STAU2: variants seen among roughly 807,000 people sequenced by gnomAD.
STAU2 encodes staufen double-stranded RNA binding protein 2.
In STAU2, 20 loss-of-function variants were observed where a neutral mutation model predicts 65.9. The ratio of observed to expected loss-of-function variants is 0.30; its 90% confidence interval spans 0.21 to 0.44. The LOEUF (loss-of-function observed/expected upper bound fraction) is 0.44, where lower values mean the gene tolerates loss of function less well. Among genes scored for constraint, STAU2 ranks in the 20% least tolerant of loss-of-function variants. The pLI is 1.00. For synonymous variants in STAU2, 232 were observed against 233.9 expected (o/e 0.99, Z 0.07); for missense variants, 558 against 683.9 (o/e 0.82, Z 2.05).
chr8:73,610,216 C>A (rs1812342769), intron 9 of STAU2, among the ~76,000 whole-genome samples: 1 of 150,008 alleles, frequency 6.7e-6, no homozygotes, highest in South Asian at 2.2e-4. Context: ...ATCAAAGCTG[C>A]AGTGAGCTGA....
intron 13 of STAU2, among the ~76,000 whole-genome samples, chr8:73,491,988 G>C (rs1012250511): frequency 9.9e-5 from 15 of 151,820 alleles, no homozygotes; most frequent in Admixed American, 3.9e-4. Context: ...GGCGTGTTTT[G>C]ATTATTTTCC....
At chr8:73,572,207 T>C (rs771224829) in intron 12 of STAU2, among the ~76,000 whole-genome samples, 3 of 152,148 alleles carry the variant, frequency 2.0e-5, no homozygotes, top group Non-Finnish European at 2.9e-5. Flanking sequence ...CAGGAAGAAC[T>C]TGAATCCCTG....
intron 13 of STAU2, among the ~76,000 whole-genome samples, chr8:73,496,304 T>A (rs893486735): frequency 1.3e-5 from 2 of 151,546 alleles, no homozygotes; most frequent in Non-Finnish European, 3.0e-5. Flanking sequence ...AAAATATGCA[T>A]ACACAGCCTC....
At chr8:73,510,413 CAAAT>C (rs1047570780) in intron 13 of STAU2, among the ~76,000 whole-genome samples, 10 of 152,180 alleles carry the variant, frequency 6.6e-5, no homozygotes, top group South Asian at 4.1e-4. Context: ...AATATTTGGA[CAAAT>C]AGTCAAATTT....
At chr8:73,555,945 A>AT (rs1167032920) in intron 12 of STAU2, among the ~76,000 whole-genome samples, 6 of 152,262 alleles carry the variant, frequency 3.9e-5, no homozygotes, top group Admixed American at 3.9e-4. Flanking sequence ...ATTTCAATAA[A>AT]TTTTTTTACA....
At position 73,648,124 on chromosome 8, in the gene STAU2, C is replaced by T. The variant is rs188635075; in HGVS notation, c.410+24983G>A. On this transcript the variant is annotated intron_variant, in intron 6 of 14. Transcript: ENST00000524300. ...ATAAAAAGATTTTTCAAAAGGAAGA[C>T]AGAATAACTAAATCAATAGTAATTA... is the stretch of plus-strand genomic sequence containing the variant. 3.9e-5 allele frequency among the ~76,000 whole-genome samples: 6 copies of T among 152,302 alleles called. No individual in the cohort carries two copies. The East Asian group carries it at 9.6e-4, about 24-fold the overall frequency.
At chr8:73,655,006 A>G (rs1816245433) in intron 6 of STAU2, among the ~76,000 whole-genome samples, 3 of 152,106 alleles carry the variant, frequency 2.0e-5, no homozygotes, top group African/African-American at 7.2e-5. Context: ...TTAAACCACC[A>G]CATTTGCCTA....
chr8:73,704,895 C>T (rs1820395901), intron 4 of STAU2, among the ~76,000 whole-genome samples: 1 of 152,110 alleles, frequency 6.6e-6, no homozygotes, highest in African/African-American at 2.4e-5. Flanking sequence ...TCTCAATCTC[C>T]TGATCTCATA....
At chr8:73,581,538 T>C (rs1200198617) in intron 12 of STAU2, among the ~76,000 whole-genome samples, 2 of 152,190 alleles carry the variant, frequency 1.3e-5, no homozygotes, top group African/African-American at 4.8e-5. Context: ...AAAACTGCAA[T>C]CAATTTCATG....
chr8:73,421,401 C>A lies in STAU2; in HGVS notation c.1684G>T (p.Asp562Tyr). Residue 562 changes from aspartate to tyrosine, a missense_variant, in exon 15 of 15, where the codon GAC becomes TAC. Around this residue, in one of 3 missense-constraint regions of STAU2, gnomAD observed 247 missense variants for 270.1 expected, o/e 0.91. Coordinates refer to ENST00000524300, the MANE Select transcript of STAU2 (RefSeq NM_001164380.2). Reference protein sequence around the residue: ...NQAPPGSIAQDCKKSNSAV With the variant: ...NQAPPGSIAQYCKKSNSAV ...ACGGCCGAGTTTGATTTCTTGCAGT[C>A]CTGAGCGATGGAGCCCGGGGGTGCC... 6.5e-7 allele frequency: 1 copy of A among 1,537,220 alleles called. No individual in the cohort carries two copies.
chr8:73,468,265 G>A (rs545349367), intron 13 of STAU2, among the ~76,000 whole-genome samples: 1 of 152,338 alleles, frequency 6.6e-6, no homozygotes, highest in South Asian at 2.1e-4. Flanking sequence ...GTAGAAAGCT[G>A]AAACTGGATC....
chr8:73,455,654 C>A (rs1819023284), intron 13 of STAU2, among the ~76,000 whole-genome samples: 1 of 152,182 alleles, frequency 6.6e-6, no homozygotes, highest in Non-Finnish European at 1.5e-5. Context: ...AACCTCTTAT[C>A]TTCCTCTGAA....
At chr8:73,551,690 T>G (rs2128943104) in intron 13 of STAU2, 1 of 1,018,834 alleles carries the variant, frequency 9.8e-7, no homozygotes, top group East Asian at 8.8e-5. Flanking sequence ...AATTTTTGTT[T>G]GTGGAAGACA....
intron 6 of STAU2, among the ~76,000 whole-genome samples, chr8:73,627,897 T>C (rs1813808033): frequency 6.6e-6 from 1 of 152,006 alleles, no homozygotes; most frequent in South Asian, 2.1e-4. Context: ...GAGCCATCAG[T>C]AATAAGAACA....
intron 4 of STAU2, among the ~76,000 whole-genome samples, chr8:73,702,624 G>T (rs1040516280): frequency 6.6e-6 from 1 of 151,922 alleles, no homozygotes; most frequent in Middle Eastern, 3.4e-3. Context: ...TGATAAAAGG[G>T]TTAATTCATC....
chr8:73,694,361 AC>A (rs1819558006), intron 4 of STAU2, among the ~76,000 whole-genome samples: 3 of 152,358 alleles, frequency 2.0e-5, no homozygotes, highest in African/African-American at 7.2e-5. Context: ...GAATACTCCA[AC>A]CAAGAAAAGC....
At position 73,662,826 on chromosome 8, in the gene STAU2, G is replaced by C. The variant is rs561949508; in HGVS notation, c.410+10281C>G. ...AGACAGGTTTTCTCCATGTTGGTCA[G>C]GCTGGTCTCGAACTCCTGACCTCAG... On this transcript the variant is annotated intron_variant, in intron 6 of 14. Transcript: ENST00000524300. 1.2e-3 allele frequency among the ~76,000 whole-genome samples: 190 copies of C among 152,170 alleles called. 2 individuals carry two copies. Among genetic ancestry groups the C allele is most frequent in the African/African-American group, 4.0e-3 (166 of 41,522 alleles).
chr8:73,508,306 G>C (rs1275571003), intron 13 of STAU2, among the ~76,000 whole-genome samples: 2 of 152,148 alleles, frequency 1.3e-5, no homozygotes, highest in Non-Finnish European at 2.9e-5. Context: ...GCTGTTGTAG[G>C]GTTATTAATT....
chr8:73,721,116 C>CAA lies in STAU2; in HGVS notation c.-17-11956_-17-11955dup, dbSNP rs1159562570. 6.2e-4 allele frequency among the ~76,000 whole-genome samples: 27 copies of CAA among 43,644 alleles called. 1 individual carries two copies. The highest frequency in any genetic ancestry group is 1.3e-3 in the South Asian group (2 of 1,506). 28.6% of individuals were successfully genotyped at this position (43,644 alleles called of 152,430 possible). A position where few individuals can be genotyped will look rare whatever the true frequency, so the allele number is the denominator to read the frequency against. Reference sequence around the variant, plus strand: ...GCAACACAGTAAGATCCCAACACTACAAAAAAAAAAAAAAAAAAAGAATAT... The same window carrying CAA: ...GCAACACAGTAAGATCCCAACACTACAAAAAAAAAAAAAAAAAAAAAGAATAT... On this transcript the variant is annotated intron_variant, in intron 3 of 14. Transcript: ENST00000524300.
Sources: gnomAD v4.1 joint callset for allele counts (sites outside exome capture counted in the v4.1 genomes callset) on GRCh38, gnomAD v4.1.1 for gene constraint, gnomAD v4.1.1 regional missense constraint, MANE v1.5 for transcripts, NCBI Gene and HGNC (gene_info 2026-07-23, HGNC 2026-07-21) for gene names.